The following VPS13B variants were observed in gnomAD, a reference collection of about 807,000 sequenced individuals.
VPS13B encodes vacuolar protein sorting 13 homolog B.
A neutral mutation model predicts 426.4 loss-of-function variants in VPS13B; 285 were observed. The ratio of observed to expected loss-of-function variants is 0.67; its 90% CI spans 0.61 to 0.74. The LOEUF (loss-of-function observed/expected upper bound fraction) is 0.74. Among genes scored for constraint, VPS13B ranks in the 30% least tolerant of loss-of-function variants. The pLI is 0.00. For missense variants in VPS13B, 4,537 were observed against 4,782.6 expected (o/e 0.95, Z 1.51); for synonymous variants, 1,676 against 1,676.4 (o/e 1.00, Z 0.01).
intron 17 of VPS13B, chr8:99,233,281 C>A: frequency 8.6e-7 from 1 of 1,156,394 alleles, no homozygotes; most frequent in Non-Finnish European, 1.3e-6. Flanking sequence ...GCCAATCACC[C>A]GGCCAGCTGT....
At chr8:99,450,050 C>T (rs903597979) in intron 23 of VPS13B, among the ~76,000 whole-genome samples, 2 of 152,186 alleles carry the variant, frequency 1.3e-5, no homozygotes, top group East Asian at 3.9e-4. Context: ...TGATCCACCC[C>T]TCTTGGCCTC....
intron 16 of VPS13B, among the ~76,000 whole-genome samples, chr8:99,188,385 A>G (rs577218271): frequency 1.3e-5 from 2 of 152,278 alleles, no homozygotes; most frequent in South Asian, 2.1e-4. Flanking sequence ...TTAAAGGTTC[A>G]TCCATGTTAT....
chr8:99,347,835 T>C (rs1475006885), intron 19 of VPS13B: 1 of 152,256 alleles, frequency 6.6e-6, no homozygotes, highest in Non-Finnish European at 1.5e-5. Context: ...TGATTCTAGG[T>C]CCATCTTCTA....
At chr8:99,405,606 C>T (rs1268493596) in intron 21 of VPS13B, among the ~76,000 whole-genome samples, 1 of 152,112 alleles carries the variant, frequency 6.6e-6, no homozygotes, top group Non-Finnish European at 1.5e-5. Context: ...ATGTCTCTCC[C>T]TGCTTAATCG....
chr8:99,855,349 T>C (rs1357838482), intron 56 of VPS13B, among the ~76,000 whole-genome samples: 3 of 152,138 alleles, frequency 2.0e-5, no homozygotes, highest in Non-Finnish European at 4.4e-5. Flanking sequence ...ATCACTACAC[T>C]CCAGCCGGGG....
At position 99,511,268 on chromosome 8, in the gene VPS13B, T is replaced by C. The variant is rs766779948; in HGVS notation, c.4389T>C (p.Phe1463=). The C allele has an allele frequency of 6.2e-7, 1 of 1,614,126 alleles. No individual in the cohort carries two copies. Among genetic ancestry groups the C allele is most frequent in the Non-Finnish European group, 8.5e-7 (1 of 1,180,002 alleles). Reference sequence around the variant, plus strand: ...GCCTAATGGATGGTTCTCCTCATTTTCTTCATGAAATTCTTCTTTCAGCAC... The same window carrying C: ...GCCTAATGGATGGTTCTCCTCATTTCCTTCATGAAATTCTTCTTTCAGCAC... ...SEGLMDGSPH[F]LHEILLSAQA... The change falls in exon 29 of 62, where the codon TTT becomes TTC. Residue 1463 remains phenylalanine, a synonymous_variant. Transcript: ENST00000357162.
At chr8:99,486,987 T>C (rs1820342660) in intron 25 of VPS13B, among the ~76,000 whole-genome samples, 1 of 152,002 alleles carries the variant, frequency 6.6e-6, no homozygotes, top group African/African-American at 2.4e-5. Context: ...CTGGAGCAGT[T>C]GGTGACACCA....
intron 29 of VPS13B, among the ~76,000 whole-genome samples, chr8:99,516,273 A>G (rs1822064044): frequency 1.3e-5 from 2 of 152,198 alleles, no homozygotes; most frequent in South Asian, 2.1e-4. Flanking sequence ...TAAAGTGTAG[A>G]TAATTCTTAC....
intron 17 of VPS13B, chr8:99,241,492 GC>G (rs1335779495): frequency 2.0e-5 from 3 of 152,078 alleles, no homozygotes; most frequent in Admixed American, 6.6e-5. Flanking sequence ...TGACTTGCAG[GC>G]TTTGGCTATT....
chr8:99,014,110 CTTTTTTTTT>C (rs1211028912), intron 2 of VPS13B, among the ~76,000 whole-genome samples, 175 bp downstream of exon 2: 25 of 72,308 alleles, frequency 3.5e-4, no homozygotes, highest in Admixed American at 3.0e-3. Flanking sequence ...TTCTTTCTTT[CTTTTTTTTT>C]TTTTTTTTTT....
chr8:99,474,731 T>C (rs187884260), intron 24 of VPS13B, among the ~76,000 whole-genome samples: 11 of 152,310 alleles, frequency 7.2e-5, no homozygotes, highest in African/African-American at 2.6e-4. Flanking sequence ...GAACTCATCA[T>C]ACACCGCTTG....
intron 3 of VPS13B, among the ~76,000 whole-genome samples, chr8:99,058,860 G>T (rs1844028871): frequency 6.6e-6 from 1 of 152,126 alleles, no homozygotes; most frequent in South Asian, 2.1e-4. Context: ...GTGGATTTTG[G>T]TGCTGTTGAT....
chr8:99,277,092 T>G (rs930560940), intron 19 of VPS13B, among the ~76,000 whole-genome samples: 4 of 152,058 alleles, frequency 2.6e-5, no homozygotes, highest in Admixed American at 6.6e-5. Flanking sequence ...ATAAGAAAAA[T>G]TATCTGTGAC....
Position 99,616,469 on chromosome 8 carries a change from T to C in VPS13B, c.5221-25342T>C, listed in dbSNP as rs1177055067. ...AACACTTAGGGTGAACTTTGAAAGA[T>C]AAATAGGCATTTCACCAGCAGAAAA... On this transcript the variant is annotated intron_variant, in intron 33 of 61. Transcript: ENST00000357162. 2.0e-5 allele frequency among the ~76,000 whole-genome samples: 3 copies of C among 152,172 alleles called. No individual in the cohort carries two copies. In the East Asian group the frequency reaches 5.8e-4, roughly 29 times the overall value.
chr8:99,074,029 A>G (rs889247789), intron 3 of VPS13B, among the ~76,000 whole-genome samples: 5 of 152,002 alleles, frequency 3.3e-5, no homozygotes, highest in Admixed American at 6.5e-5. Context: ...TGGCCTCCCA[A>G]AGTACTGGGA....
At chr8:99,018,674 T>C (rs1841737611) in intron 2 of VPS13B, among the ~76,000 whole-genome samples, 1 of 152,198 alleles carries the variant, frequency 6.6e-6, no homozygotes, top group Admixed American at 6.5e-5. Context: ...TCCTTTTTTG[T>C]TTCTAATTTC....
At chr8:99,669,510 A>G (rs1282571590) in intron 35 of VPS13B, among the ~76,000 whole-genome samples, 4 of 152,196 alleles carry the variant, frequency 2.6e-5, no homozygotes, top group Non-Finnish European at 5.9e-5. Flanking sequence ...ATTATAAATT[A>G]ATGCTTAGCA....
At position 99,292,150 on chromosome 8, in the gene VPS13B, A is replaced by G. The variant is rs1397331897; in HGVS notation, c.2824+16896A>G. ...AGTAGAACTTGATTTTTAGCCTTAG[A>G]ATAACAAATGCAGAAGTGAAGAAAA... is the stretch of plus-strand genomic sequence containing the variant. On this transcript the variant is annotated intron_variant, in intron 19 of 61. Transcript: ENST00000357162. Among the ~76,000 whole-genome samples the G allele has an allele frequency of 2.0e-5, 3 of 152,132 alleles. No individual in the cohort carries two copies. The East Asian group carries it at 5.8e-4, about 29-fold the overall frequency.
chr8:99,508,021 T>C, intron 28 of VPS13B: 2 of 1,495,666 alleles, frequency 1.3e-6, no homozygotes, highest in Non-Finnish European at 1.8e-6. Context: ...CTCCATATCA[T>C]AAACTTTATA....
Sources: allele counts gnomAD v4.1 joint callset (sites outside exome capture counted in the v4.1 genomes callset), GRCh38; gene constraint gnomAD v4.1.1; transcripts MANE v1.5; gene names NCBI Gene and HGNC (gene_info 2026-07-23, HGNC 2026-07-21).